Variants in SHISAL1 observed in about 807,000 individuals in gnomAD.
The protein encoded by SHISAL1 is protein shisa-like-1.
In SHISAL1, 9 loss-of-function variants were observed where a neutral mutation model predicts 22.6. The observed-to-expected ratio is 0.40, with a 90% CI of 0.24 to 0.70. SHISAL1 has a LOEUF of 0.70. Among genes scored for constraint, SHISAL1 ranks in the 30% least tolerant of loss-of-function variants. The probability of loss-of-function intolerance (pLI) is 0.39; values close to 1 mark genes in which losing one functional copy is unlikely to be tolerated. For synonymous variants in SHISAL1, 119 were observed against 115.4 expected (o/e 1.03, Z -0.20); for missense variants, 246 against 270.6 (o/e 0.91, Z 0.64).
At chr22:44,302,923 A>G (rs7510583) in intron 1 of SHISAL1, among the ~76,000 whole-genome samples, 8,084 of 45,430 alleles carry the variant, frequency 0.18, 1,012 homozygotes, top group African/African-American at 0.28. Context: ...GGGTGGGTGC[A>G]GTGAGGAGGC....
At chr22:44,289,080 T>G (rs1555928755) in intron 3 of SHISAL1, among the ~76,000 whole-genome samples, 1 of 152,240 alleles carries the variant, frequency 6.6e-6, no homozygotes, top group Non-Finnish European at 1.5e-5. Flanking sequence ...CTGCATGTCT[T>G]GTGCGCCAGC....
intron 4 of SHISAL1, among the ~76,000 whole-genome samples, chr22:44,281,163 G>C (rs564466085): frequency 6.6e-6 from 1 of 152,142 alleles, no homozygotes. Flanking sequence ...GCCACCTGAG[G>C]GGAGAGAAGG....
chr22:44,288,378 T>C (rs1243311506), intron 3 of SHISAL1, among the ~76,000 whole-genome samples: 2 of 152,154 alleles, frequency 1.3e-5, no homozygotes, highest in African/African-American at 4.8e-5. Context: ...GGCTCATGCC[T>C]GTAATCCCAG....
the SHISAL1 span, among the ~76,000 whole-genome samples, chr22:44,319,193 C>G: frequency 3.2e-4 from 49 of 152,250 alleles, no homozygotes; most frequent in African/African-American, 1.1e-3. Flanking sequence ...TGAGCACCTC[C>G]GATGTGTTCA....
Position 44,245,983 on chromosome 22 carries a change from TGTGC to T in SHISAL1, c.*3698_*3701del, listed in dbSNP as rs1351464595. 2 of 152,218 alleles carry T rather than the reference TGTGC, an allele frequency of 1.3e-5. No individual in the cohort carries two copies. Among genetic ancestry groups the T allele is most frequent in the African/African-American group, 4.8e-5 (2 of 41,426 alleles). The allele number at this position is 152,218 out of a possible 1,614,324, so 9.4% of individuals were successfully genotyped here. On this transcript the variant is annotated 3_prime_UTR_variant, in exon 5 of 5. Transcript: ENST00000381176. Reference sequence around the variant, plus strand: ...ATCTACCTGTGAAATCACCTGTGTGTGTGCGCGCATGTGCATGTATGTACTTGTG... The same window carrying T: ...ATCTACCTGTGAAATCACCTGTGTGTGCGCATGTGCATGTATGTACTTGTG...
Position 44,274,194 on chromosome 22 carries a change from G to A in SHISAL1, c.599+11234C>T, listed in dbSNP as rs2055224275. Among the ~76,000 whole-genome samples the A allele has an allele frequency of 2.0e-5, 3 of 152,028 alleles. No individual in the cohort carries two copies. The South Asian group carries it at 6.2e-4, about 32-fold the overall frequency. ...CTGGGAGGCGGAGGGAGGCTGCAGTGAGCCAAGATCACACCACTGCACTCC... is the reference window on the plus strand; with the variant it reads ...CTGGGAGGCGGAGGGAGGCTGCAGTAAGCCAAGATCACACCACTGCACTCC... On this transcript the variant is annotated intron_variant, in intron 4 of 4. Coordinates refer to ENST00000381176, the MANE Select transcript of SHISAL1 (RefSeq NM_001099294.2).
chr22:44,252,094 T>C (rs2055051859), intron 4 of SHISAL1, among the ~76,000 whole-genome samples: 1 of 152,030 alleles, frequency 6.6e-6, no homozygotes, highest in South Asian at 2.1e-4. Flanking sequence ...ATTATGACCA[T>C]CACAGAGAAG....
In SHISAL1 at chr22:44,244,316, C is replaced by T. The variant is rs553257410; in HGVS notation, c.*5369G>A. 2.6e-5 allele frequency: 4 copies of T among 152,144 alleles called. No individual in the cohort carries two copies. Among genetic ancestry groups the T allele is most frequent in the African/African-American group, 9.7e-5 (4 of 41,414 alleles). 9.4% of individuals were successfully genotyped at this position (152,144 alleles called of 1,614,324 possible). ...TCATTCAACAGGGTACCTCATTGTA[C>T]AAACCTAAGGGTCACCGTTCTCAGT... On this transcript the variant is annotated 3_prime_UTR_variant, in exon 5 of 5. Transcript: ENST00000381176.
At chr22:44,305,130 T>C (rs926183992) in intron 1 of SHISAL1, among the ~76,000 whole-genome samples, 4 of 152,230 alleles carry the variant, frequency 2.6e-5, no homozygotes, top group African/African-American at 9.6e-5. Context: ...CTGCCATGAT[T>C]TTATCAGCTG....
At chr22:44,299,266 T>C (rs1202202746) in intron 2 of SHISAL1, among the ~76,000 whole-genome samples, 1 of 152,160 alleles carries the variant, frequency 6.6e-6, no homozygotes, top group Non-Finnish European at 1.5e-5. Flanking sequence ...GAGAGCCGCA[T>C]TTCGGGCCCC....
intron 1 of SHISAL1, 132 bp from the exon 2 acceptor site, chr22:44,301,109 C>G (rs1236783422): frequency 1.7e-6 from 1 of 587,136 alleles, no homozygotes; most frequent in South Asian, 2.2e-5. Context: ...GGGCCGGGTG[C>G]GGACGATGGA....
chr22:44,268,561 C>A (rs1424103418), intron 4 of SHISAL1, among the ~76,000 whole-genome samples: 1 of 152,182 alleles, frequency 6.6e-6, no homozygotes, highest in African/African-American at 2.4e-5. Context: ...GGACTCCCAG[C>A]CCAGGGTTCT....
At position 44,255,718 on chromosome 22, in the gene SHISAL1, C is replaced by G. The variant is rs114277318; in HGVS notation, c.*-6033G>C. ...AGTCCAATTACATCACCCCTTTCCTCAAAACTCTCAGTGGCTCCCAGATTC... is the reference window on the plus strand; with the variant it reads ...AGTCCAATTACATCACCCCTTTCCTGAAAACTCTCAGTGGCTCCCAGATTC... On this transcript the variant is annotated intron_variant, in intron 4 of 4. Coordinates refer to ENST00000381176, the MANE Select transcript of SHISAL1 (RefSeq NM_001099294.2). Among the ~76,000 whole-genome samples the G allele has an allele frequency of 4.0e-3, 608 of 152,318 alleles. 4 individuals carry two copies. Among genetic ancestry groups the G allele is most frequent in the African/African-American group, 0.014 (581 of 41,576 alleles).
intron 4 of SHISAL1, among the ~76,000 whole-genome samples, chr22:44,252,415 T>C (rs2055054229): frequency 6.6e-6 from 1 of 152,108 alleles, no homozygotes; most frequent in Non-Finnish European, 1.5e-5. Context: ...GTTATAATTA[T>C]GAAGATAACC....
At chr22:44,288,071 G>T (rs1224369553) in intron 3 of SHISAL1, among the ~76,000 whole-genome samples, 3 of 152,206 alleles carry the variant, frequency 2.0e-5, no homozygotes, top group African/African-American at 7.2e-5. Flanking sequence ...AGTACCAGAA[G>T]TGGCAGTGGA....
chr22:44,313,107 G>C (rs28970381), upstream of SHISAL1, among the ~76,000 whole-genome samples: 69,521 of 152,084 alleles, frequency 0.46, 16,300 homozygotes, highest in Admixed American at 0.54. Context: ...ACAGCCTTGT[G>C]CATCCTCAGA....
intron 3 of SHISAL1, among the ~76,000 whole-genome samples, chr22:44,291,644 T>G (rs547293776): frequency 1.3e-5 from 2 of 152,122 alleles, no homozygotes; most frequent in African/African-American, 2.4e-5. Context: ...GGCCTTTGGG[T>G]GCACTGTTCT....
chr22:44,294,430 C>T (rs1179283550), intron 3 of SHISAL1, among the ~76,000 whole-genome samples: 1 of 152,136 alleles, frequency 6.6e-6, no homozygotes, highest in African/African-American at 2.4e-5. Context: ...TTGCAACCCA[C>T]CACCTCCCTT....
chr22:44,271,406 G>A (rs1305343415), intron 4 of SHISAL1, among the ~76,000 whole-genome samples: 3 of 152,008 alleles, frequency 2.0e-5, no homozygotes, highest in Non-Finnish European at 2.9e-5. Flanking sequence ...CACCCTCTGG[G>A]GCACCTTAGA....
Sources: allele counts gnomAD v4.1 joint callset (sites outside exome capture counted in the v4.1 genomes callset), GRCh38; gene constraint gnomAD v4.1.1; transcripts MANE v1.5; gene names NCBI Gene and HGNC (gene_info 2026-07-23, HGNC 2026-07-21).